The following CNOT10 variants were observed in gnomAD, a reference collection of about 807,000 sequenced individuals.
The protein encoded by CNOT10 is CCR4-NOT transcription complex, subunit 10.
A neutral mutation model predicts 94.6 loss-of-function variants in CNOT10; 30 were observed. The observed-to-expected ratio is 0.32, with a 90% confidence interval of 0.24 to 0.43. CNOT10 has a LOEUF of 0.43. CNOT10 is among the 20% of genes least tolerant of loss of function. The pLI is 1.00. For missense variants in CNOT10, 759 were observed against 877.2 expected (o/e 0.87, Z 1.70); for synonymous variants, 289 against 301.6 (o/e 0.96, Z 0.43).
Position 32,685,440 on chromosome 3 carries a change from A to T in CNOT10, c.-21A>T, listed in dbSNP as rs1017319769. 1 of 1,550,166 alleles carries T rather than the reference A, an allele frequency of 6.5e-7. No individual in the cohort carries two copies. Among genetic ancestry groups the T allele is most frequent in the Non-Finnish European group, 8.7e-7 (1 of 1,146,762 alleles). ...CAGGGCCACGCCACCTGCAGGGAAG[A>T]ACCCGAGTCGAAGCGGGAAGATGGC... On this transcript the variant is annotated 5_prime_UTR_variant, in exon 1 of 19. Transcript: ENST00000328834.
At chr3:32,697,597 A>G (rs1697135958) in intron 1 of CNOT10, among the ~76,000 whole-genome samples, 3 of 152,176 alleles carry the variant, frequency 2.0e-5, no homozygotes, top group South Asian at 4.2e-4. Flanking sequence ...CACCTCCCCA[A>G]GTAGCTGGGA....
chr3:32,770,678 C>A (rs111444860), intron 18 of CNOT10, among the ~76,000 whole-genome samples: 2,961 of 151,416 alleles, frequency 0.02, 48 homozygotes, highest in East Asian at 0.048. Flanking sequence ...AATTTGCCTT[C>A]CTTGAAGATA....
chr3:32,703,224 A>G (rs1281457283), intron 1 of CNOT10, among the ~76,000 whole-genome samples: 1 of 151,984 alleles, frequency 6.6e-6, no homozygotes, highest in Non-Finnish European at 1.5e-5. Context: ...GTGCCTGGCA[A>G]CATTAATCAG....
Position 32,721,363 on chromosome 3 carries a change from T to G in CNOT10, c.862+1132T>G, listed in dbSNP as rs143124848. On this transcript the variant is annotated intron_variant, in intron 8 of 18. Coordinates refer to ENST00000328834, the MANE Select transcript of CNOT10 (RefSeq NM_015442.3). ...AAGTGTGAGCCACCGCACCTGGCCC[T>G]TTCATTTGTTTTTGTAAGATCCTTG... is the stretch of plus-strand genomic sequence containing the variant. Among the ~76,000 whole-genome samples the G allele has an allele frequency of 1.8e-3, 274 of 150,122 alleles. 1 individual carries two copies. Among genetic ancestry groups the G allele is most frequent in the African/African-American group, 6.5e-3 (265 of 41,068 alleles).
intron 17 of CNOT10, among the ~76,000 whole-genome samples, chr3:32,767,271 C>T (rs573498063): frequency 5.3e-5 from 8 of 152,254 alleles, no homozygotes; most frequent in African/African-American, 1.7e-4. Context: ...GTAATCCCAA[C>T]ACTTTGGGAG....
intron 4 of CNOT10, 79 bp downstream of exon 4, chr3:32,708,899 C>T (rs996560051): frequency 3.3e-6 from 4 of 1,197,096 alleles, no homozygotes; most frequent in Non-Finnish European, 4.7e-6. Flanking sequence ...CCTAGATAAC[C>T]TAAATCCGAG....
chr3:32,742,596 G>A (rs1041818913), intron 13 of CNOT10, among the ~76,000 whole-genome samples: 64 of 152,116 alleles, frequency 4.2e-4, no homozygotes, highest in African/African-American at 1.4e-3. Context: ...TGGTCAGGCC[G>A]GTCTCAAACT....
At chr3:32,763,457 C>T (rs948667139) in intron 15 of CNOT10, among the ~76,000 whole-genome samples, 3 of 151,984 alleles carry the variant, frequency 2.0e-5, no homozygotes, top group African/African-American at 7.2e-5. Context: ...TCAAGACCAG[C>T]CTGGCCAACA....
intron 1 of CNOT10, among the ~76,000 whole-genome samples, chr3:32,701,039 T>C (rs1272632465): frequency 4.6e-5 from 7 of 152,128 alleles, no homozygotes; most frequent in Non-Finnish European, 1.0e-4. Flanking sequence ...TTTGGGAGGC[T>C]GAGGCCAGCA....
rs1474037228 is a variant in CNOT10, at chr3:32,757,202, G to A, written c.1596-2256G>A. The stretch of plus-strand genomic sequence containing the variant: ...TTTTTTTTTTTTTTTTTTTTGTGAC[G>A]GAGTTTCACTCTTGTTGCCCAGGCT... On this transcript the variant is annotated intron_variant, in intron 13 of 18. Transcript: ENST00000328834. Among the ~76,000 whole-genome samples the A allele has an allele frequency of 3.8e-4, 9 of 23,660 alleles. 1 individual carries two copies. The highest frequency in any genetic ancestry group is 2.7e-3 in the South Asian group (2 of 752). The allele number at this position is 23,660 out of a possible 152,430, so 15.5% of individuals were successfully genotyped here.
At position 32,750,015 on chromosome 3, in the gene CNOT10, A is replaced by G. The variant is rs137911730; in HGVS notation, c.1596-9443A>G. 4.1e-3 allele frequency among the ~76,000 whole-genome samples: 629 copies of G among 152,206 alleles called. 4 individuals are homozygous for G. The highest frequency in any genetic ancestry group is 0.014 in the African/African-American group (584 of 41,540). On this transcript the variant is annotated intron_variant, in intron 13 of 18. Coordinates refer to ENST00000328834, the MANE Select transcript of CNOT10 (RefSeq NM_015442.3). ...GAGGATCCCTTGAGTCCAGGAGTTCAAGATCAGCCTGGCCTACATAGTGAG... is the reference window on the plus strand; with the variant it reads ...GAGGATCCCTTGAGTCCAGGAGTTCGAGATCAGCCTGGCCTACATAGTGAG...
At chr3:32,732,891 T>G (rs551620866) in intron 10 of CNOT10, among the ~76,000 whole-genome samples, 3 of 152,218 alleles carry the variant, frequency 2.0e-5, no homozygotes, top group Non-Finnish European at 4.4e-5. Flanking sequence ...TTCATTTGGT[T>G]TGGGGATTTT....
intron 1 of CNOT10, among the ~76,000 whole-genome samples, chr3:32,691,952 A>T (rs1355531235): frequency 6.8e-6 from 1 of 148,122 alleles, no homozygotes; most frequent in Non-Finnish European, 1.5e-5. Context: ...AGGGAGGGTG[A>T]GGTGGGAGGA....
intron 12 of CNOT10, 33 bp from the exon 13 acceptor site, chr3:32,737,377 T>C: frequency 7.1e-7 from 1 of 1,407,944 alleles, no homozygotes; most frequent in Non-Finnish European, 9.9e-7. Context: ...TATTTGTTGC[T>C]CTTCATAATT....
In CNOT10 at chr3:32,720,367, G is replaced by A. The variant is rs1428379128; in HGVS notation, c.862+136G>A. 5 of 435,476 alleles carry A rather than the reference G, an allele frequency of 1.1e-5. No individual in the cohort carries two copies. The Admixed American group carries it at 1.5e-4, about 13-fold the overall frequency. The allele number at this position is 435,476 out of a possible 1,614,324, so 27.0% of individuals were successfully genotyped here. On this transcript the variant is annotated intron_variant, in intron 8 of 18. Transcript: ENST00000328834. ...ATGAAAATGTTTTAATATTTCTGGT[G>A]CAAAAATTTCCAGGAATTCTTGTTT...
rs1479431962 is a variant in CNOT10, at chr3:32,753,143, A to T, written c.1596-6315A>T. On this transcript the variant is annotated intron_variant, in intron 13 of 18. Coordinates refer to ENST00000328834, the MANE Select transcript of CNOT10 (RefSeq NM_015442.3). ...TCTCGAATTCAATCCAAATAATTCC[A>T]CCACTATGTTGAGAAAAGGAACATG... The T allele has an allele frequency of 8.4e-6, 5 of 596,700 alleles. No individual in the cohort carries two copies. The African/African-American group carries it at 9.3e-5, about 11-fold the overall frequency. 37.0% of individuals were successfully genotyped at this position (596,700 alleles called of 1,614,324 possible).
chr3:32,702,951 G>A (rs1360628568), intron 1 of CNOT10, among the ~76,000 whole-genome samples: 2 of 148,284 alleles, frequency 1.3e-5, no homozygotes, highest in African/African-American at 2.5e-5. Flanking sequence ...CTACTCTGTC[G>A]CCCCGGCTGG....
intron 13 of CNOT10, chr3:32,752,914 C>T (rs989258053): frequency 3.0e-5 from 12 of 393,442 alleles, no homozygotes; most frequent in East Asian, 2.6e-4. Context: ...ACGAGGATGG[C>T]GGAAGCTGCA....
At chr3:32,757,110 GAAA>G (rs1167248770) in intron 13 of CNOT10, among the ~76,000 whole-genome samples, 1 of 50,906 alleles carries the variant, frequency 2.0e-5, no homozygotes. Context: ...CGTCTCAAAA[GAAA>G]AAAAAAAAAA....
Sources: allele counts gnomAD v4.1 joint callset (sites outside exome capture counted in the v4.1 genomes callset), GRCh38; gene constraint gnomAD v4.1.1; transcripts MANE v1.5; gene names NCBI Gene and HGNC (gene_info 2026-07-23, HGNC 2026-07-21).